ZEB2: variants seen among roughly 807,000 people sequenced by gnomAD.
The protein encoded by ZEB2 is zinc finger E-box-binding homeobox 2.
A neutral mutation model predicts 99.9 loss-of-function variants in ZEB2; 6 were observed. The observed-to-expected ratio is 0.06, with a 90% CI of 0.03 to 0.12. ZEB2 has a LOEUF of 0.12. ZEB2 is among the 10% of genes least tolerant of loss of function. The pLI is 1.00. For missense variants in ZEB2, 969 were observed against 1,502.8 expected, an observed-to-expected ratio of 0.64 and a Z score of 5.87; for synonymous variants, 517 against 542.5, an observed-to-expected ratio of 0.95 and a Z score of 0.65.
chr2:144,460,938 T>C (rs1704184595), intron 2 of ZEB2, among the ~76,000 whole-genome samples: 1 of 152,114 alleles, frequency 6.6e-6, no homozygotes, highest in Non-Finnish European at 1.5e-5. Context: ...ATTGGAAACC[T>C]GATTTGCTTT....
In ZEB2 at chr2:144,388,936, G is replaced by GA. The variant is rs558553086; in HGVS notation, c.*514dup. On this transcript the variant is annotated 3_prime_UTR_variant, in exon 10 of 10. Coordinates refer to ENST00000627532, the MANE Select transcript of ZEB2 (RefSeq NM_014795.4). The surrounding 1 kb of genome is among the most constrained non-coding windows in gnomAD (Gnocchi z 5.4). ...CTAAAATTGTGTGGTTACTTAAGCT[G>GA]AAAAAAAAAATGGGAAATTGATGAA... 0.014 allele frequency: 4,822 copies of GA among 355,314 alleles called. 9 individuals are homozygous for GA. Among genetic ancestry groups the GA allele is most frequent in the South Asian group, 0.034 (1,484 of 43,850 alleles). The allele number at this position is 355,314 out of a possible 1,614,324, so 22.0% of individuals were successfully genotyped here.
chr2:144,415,318 T>C (rs1321899132), intron 4 of ZEB2, among the ~76,000 whole-genome samples: 4 of 152,168 alleles, frequency 2.6e-5, no homozygotes, highest in East Asian at 3.8e-4. Context: ...AAATAGCAGG[T>C]ATTAGTTATT....
intron 9 of ZEB2, among the ~76,000 whole-genome samples, chr2:144,392,252 A>G (rs1703163345): frequency 6.6e-6 from 1 of 152,206 alleles, no homozygotes; most frequent in Non-Finnish European, 1.5e-5. Flanking sequence ...AAGGTCAACT[A>G]CTTAGGTAAC....
At chr2:144,454,732 T>A (rs755036861) in intron 2 of ZEB2, among the ~76,000 whole-genome samples, 1 of 152,192 alleles carries the variant, frequency 6.6e-6, no homozygotes, top group Non-Finnish European at 1.5e-5. Flanking sequence ...CCACTTATAG[T>A]TTATTCTAAA....
chr2:144,424,400 T>C lies in ZEB2; in HGVS notation c.403+396A>G, dbSNP rs1476286820. The stretch of plus-strand genomic sequence containing the variant: ...TGAAAAAAAAATTTTACAGTCTAAA[T>C]TACACCTTATCATTTGAATTCTCAA... On this transcript the variant is annotated intron_variant, in intron 4 of 9. Coordinates refer to ENST00000627532, the MANE Select transcript of ZEB2 (RefSeq NM_014795.4). The C allele has an allele frequency of 5.8e-6, 3 of 521,546 alleles. No individual in the cohort carries two copies. The East Asian group carries it at 1.6e-4, about 28-fold the overall frequency. 32.3% of individuals were successfully genotyped at this position (521,546 alleles called of 1,614,324 possible). A position where few individuals can be genotyped will look rare whatever the true frequency, so the allele number is the denominator to read the frequency against.
intron 4 of ZEB2, among the ~76,000 whole-genome samples, chr2:144,413,945 T>A (rs1170957865): frequency 6.6e-6 from 1 of 152,202 alleles, no homozygotes; most frequent in Non-Finnish European, 1.5e-5. Context: ...TAAAAAAAGT[T>A]CTTCTTTCCC....
chr2:144,478,666 A>G lies in ZEB2; in HGVS notation c.73+38612T>C, dbSNP rs927078748. 2.6e-5 allele frequency among the ~76,000 whole-genome samples: 4 copies of G among 152,244 alleles called. No individual in the cohort carries two copies. In the South Asian group the frequency reaches 6.2e-4, roughly 24 times the overall value. Reference sequence around the variant, plus strand: ...AAAATAGCATTTGTATTCAACGCCAATGCAATGAAACTTTCTTTTTCTCTC... The same window carrying G: ...AAAATAGCATTTGTATTCAACGCCAGTGCAATGAAACTTTCTTTTTCTCTC... On this transcript the variant is annotated intron_variant, in intron 2 of 9. Transcript: ENST00000627532.
intron 2 of ZEB2, among the ~76,000 whole-genome samples, chr2:144,434,874 G>C (rs1703816814): frequency 6.6e-6 from 1 of 152,152 alleles, no homozygotes; most frequent in African/African-American, 2.4e-5. Flanking sequence ...CGTGTAACCA[G>C]CTGTGTGGCC....
chr2:144,516,436 AC>A (rs68189842), intron 2 of ZEB2: 1,788 of 104,190 alleles, frequency 0.017, 59 homozygotes, highest in African/African-American at 0.066. Flanking sequence ...CCAAACTCTC[AC>A]CCCCCCCTTT....
intron 2 of ZEB2, among the ~76,000 whole-genome samples, chr2:144,454,037 T>C (rs531567245): frequency 1.2e-4 from 19 of 152,342 alleles, no homozygotes; most frequent in African/African-American, 3.8e-4. Context: ...TGTGACTTTT[T>C]TACTCTTCGT....
chr2:144,470,010 G>C (rs1704333495), intron 2 of ZEB2, among the ~76,000 whole-genome samples: 9 of 152,184 alleles, frequency 5.9e-5, no homozygotes, highest in Admixed American at 5.2e-4. Flanking sequence ...CTGTGATGCA[G>C]AATGCTTGCT....
chr2:144,447,144 A>G (rs1191583678), intron 2 of ZEB2, among the ~76,000 whole-genome samples: 2 of 152,184 alleles, frequency 1.3e-5, no homozygotes, highest in Admixed American at 1.3e-4. Flanking sequence ...ACATATTCTA[A>G]GTTCTTCAGA....
chr2:144,517,925 T>C, intron 1 of ZEB2: 1 of 345,562 alleles, frequency 2.9e-6, no homozygotes. Context: ...ATAGTAATTA[T>C]AGGAAGCCCA....
At chr2:144,393,249 C>A (rs1703175330) in intron 9 of ZEB2, among the ~76,000 whole-genome samples, 1 of 152,086 alleles carries the variant, frequency 6.6e-6, no homozygotes. Context: ...AGCAAGCAAG[C>A]AATAAGCCAT....
At chr2:144,518,230 T>C (rs1219743828) in intron 1 of ZEB2, 2 of 152,270 alleles carry the variant, frequency 1.3e-5, no homozygotes, top group Admixed American at 6.5e-5. Flanking sequence ...GTCCAACCAC[T>C]ACGGCAATAC....
intron 2 of ZEB2, among the ~76,000 whole-genome samples, chr2:144,479,019 A>G (rs1470161771): frequency 6.6e-6 from 1 of 152,264 alleles, no homozygotes; most frequent in East Asian, 1.9e-4. Flanking sequence ...CTGGTTTTCT[A>G]AAGTAAAACA....
At chr2:144,461,396 C>CA (rs1271741571) in intron 2 of ZEB2, 2 of 152,302 alleles carry the variant, frequency 1.3e-5, no homozygotes, top group Non-Finnish European at 1.5e-5. Flanking sequence ...CTAGCTATTA[C>CA]AGGGCCTACC....
chr2:144,484,755 T>C (rs1027559398), intron 2 of ZEB2, among the ~76,000 whole-genome samples: 3 of 152,002 alleles, frequency 2.0e-5, no homozygotes, highest in African/African-American at 7.3e-5. Context: ...GGAATGCGAC[T>C]GAAGTGGGAA....
chr2:144,475,115 G>A (rs1342150748), intron 2 of ZEB2, among the ~76,000 whole-genome samples: 1 of 152,174 alleles, frequency 6.6e-6, no homozygotes, highest in Admixed American at 6.5e-5. Flanking sequence ...AAGTATGGGA[G>A]AGGCTTTGTC....
Sources: gnomAD v4.1 joint callset for allele counts (sites outside exome capture counted in the v4.1 genomes callset) on GRCh38, gnomAD v4.1.1 for gene constraint, Gnocchi (gnomAD v3.1) non-coding constraint, MANE v1.5 for transcripts, NCBI Gene and HGNC (gene_info 2026-07-23, HGNC 2026-07-21) for gene names.